The following HS3ST5 variants were observed in gnomAD, a reference collection of about 807,000 sequenced individuals.
The protein encoded by HS3ST5 is heparan sulfate-glucosamine 3-sulfotransferase 5, also known as heparan sulfate glucosamine 3-O-sulfotransferase 5.
Under a neutral mutation model 25.4 loss-of-function variants are expected in HS3ST5, and 10 were observed. The observed-to-expected ratio is 0.39, with a 90% CI of 0.24 to 0.67. The LOEUF (loss-of-function observed/expected upper bound fraction) is 0.67, where lower values mean the gene tolerates loss of function less well. HS3ST5 is among the 30% of genes least tolerant of loss of function. HS3ST5 has a pLI of 0.44. For synonymous variants in HS3ST5, 170 were observed against 162.4 expected (o/e 1.05, Z -0.36); for missense variants, 324 against 420.7 (o/e 0.77, Z 2.01).
chr6:114,307,956 C>G (rs1259894511), intron 1 of HS3ST5, among the ~76,000 whole-genome samples: 4 of 151,858 alleles, frequency 2.6e-5, no homozygotes, highest in Non-Finnish European at 4.4e-5. Context: ...AGTAAAATAC[C>G]TAATGAGTTG....
chr6:114,129,490 C>T (rs1254003100), intron 3 of HS3ST5, among the ~76,000 whole-genome samples: 3 of 152,166 alleles, frequency 2.0e-5, no homozygotes, highest in East Asian at 1.9e-4. Context: ...CTCCTGACCT[C>T]GTGATCCGCC....
At chr6:114,278,709 G>A (rs1005634508) in intron 1 of HS3ST5, among the ~76,000 whole-genome samples, 5 of 152,030 alleles carry the variant, frequency 3.3e-5, no homozygotes, top group African/African-American at 1.2e-4. Flanking sequence ...AAATTAAACA[G>A]ACAGGGAGTG....
At chr6:114,133,961 T>C (rs1777470597) in intron 3 of HS3ST5, among the ~76,000 whole-genome samples, 4 of 151,590 alleles carry the variant, frequency 2.6e-5, no homozygotes, top group African/African-American at 7.3e-5. Flanking sequence ...ACAGAGTGTA[T>C]GTGGGAGCAT....
intron 1 of HS3ST5, among the ~76,000 whole-genome samples, chr6:114,277,461 C>T (rs1773912545): frequency 6.7e-6 from 1 of 149,754 alleles, no homozygotes; most frequent in Non-Finnish European, 1.5e-5. Flanking sequence ...ACTTTTGCAC[C>T]AACCTAATAC....
At chr6:114,276,433 T>C (rs961334582) in intron 1 of HS3ST5, among the ~76,000 whole-genome samples, 3 of 151,938 alleles carry the variant, frequency 2.0e-5, no homozygotes, top group African/African-American at 7.2e-5. Flanking sequence ...CGTAAGTGAA[T>C]AAGTATTCAG....
At chr6:114,168,770 TAGCAGAACC>T (rs1307920758) in intron 2 of HS3ST5, among the ~76,000 whole-genome samples, 1 of 152,194 alleles carries the variant, frequency 6.6e-6, no homozygotes, top group Non-Finnish European at 1.5e-5. Flanking sequence ...AACATTTGTA[TAGCAGAACC>T]TTGTTTCTGA....
At chr6:114,083,615 T>C (rs1774591862) in intron 3 of HS3ST5, among the ~76,000 whole-genome samples, 1 of 152,238 alleles carries the variant, frequency 6.6e-6, no homozygotes, top group African/African-American at 2.4e-5. Context: ...TTTTCCACTT[T>C]TAAGATCTTC....
intron 3 of HS3ST5, among the ~76,000 whole-genome samples, chr6:114,140,533 A>G (rs2114932028): frequency 6.6e-6 from 1 of 152,354 alleles, no homozygotes; most frequent in East Asian, 1.9e-4. Context: ...CTTGCTTGTT[A>G]TAGTGTTCTA....
At chr6:114,245,508 G>A (rs1772336245) in intron 1 of HS3ST5, among the ~76,000 whole-genome samples, 1 of 152,098 alleles carries the variant, frequency 6.6e-6, no homozygotes, top group South Asian at 2.1e-4. Flanking sequence ...CACCAGAGGT[G>A]AGAAGAATAG....
At chr6:114,295,859 C>A (rs536836634) in intron 1 of HS3ST5, among the ~76,000 whole-genome samples, 1 of 152,218 alleles carries the variant, frequency 6.6e-6, no homozygotes, top group Admixed American at 6.5e-5. Flanking sequence ...AGGGCTGCAC[C>A]AAGTGGCAAA....
chr6:114,159,774 C>A (rs368293903), intron 3 of HS3ST5, among the ~76,000 whole-genome samples: 1 of 152,182 alleles, frequency 6.6e-6, no homozygotes, highest in Admixed American at 6.6e-5. Context: ...AAAAAATTTT[C>A]TGGCACAATG....
intron 4 of HS3ST5, among the ~76,000 whole-genome samples, chr6:114,058,444 G>A (rs1772904143): frequency 6.6e-6 from 1 of 152,114 alleles, no homozygotes; most frequent in Non-Finnish European, 1.5e-5. Flanking sequence ...TGACTACGGC[G>A]TGTACTTCTG....
At chr6:114,084,176 A>G in intron 3 of HS3ST5, 1 of 917,554 alleles carries the variant, frequency 1.1e-6, no homozygotes, top group Non-Finnish European at 1.8e-6. Context: ...GCTTAAGACC[A>G]TTAAGTGGTT....
At chr6:114,096,458 A>G (rs1775431179) in intron 3 of HS3ST5, among the ~76,000 whole-genome samples, 2 of 152,174 alleles carry the variant, frequency 1.3e-5, no homozygotes, top group Admixed American at 1.3e-4. Flanking sequence ...TGTTTTTCAC[A>G]GTGAATCTCC....
intron 2 of HS3ST5, among the ~76,000 whole-genome samples, chr6:114,227,925 C>T (rs1428318485): frequency 6.6e-6 from 1 of 152,082 alleles, no homozygotes; most frequent in Non-Finnish European, 1.5e-5. Flanking sequence ...ATTAGCCCAT[C>T]ATACTGAACT....
chr6:114,315,932 T>C (rs1283082420), intron 1 of HS3ST5, among the ~76,000 whole-genome samples: 1 of 152,176 alleles, frequency 6.6e-6, no homozygotes. Context: ...ATTTGGGAAG[T>C]GTATCTCTGA....
At chr6:114,288,131 A>T (rs1774417128) in intron 1 of HS3ST5, among the ~76,000 whole-genome samples, 1 of 152,122 alleles carries the variant, frequency 6.6e-6, no homozygotes, top group South Asian at 2.1e-4. Flanking sequence ...ATGCATAATT[A>T]ATCCATTAGG....
chr6:114,300,696 C>T (rs766746497), intron 1 of HS3ST5, among the ~76,000 whole-genome samples: 1 of 152,066 alleles, frequency 6.6e-6, no homozygotes, highest in South Asian at 2.1e-4. Context: ...CACACACAAA[C>T]GTGTACATGA....
intron 1 of HS3ST5, among the ~76,000 whole-genome samples, chr6:114,290,802 A>G (rs951740654): frequency 6.6e-6 from 1 of 152,000 alleles, no homozygotes; most frequent in Non-Finnish European, 1.5e-5. Flanking sequence ...AAAAATAAAA[A>G]GGAGATGGTT....
Sources: gnomAD v4.1 joint callset for allele counts (sites outside exome capture counted in the v4.1 genomes callset) on GRCh38, gnomAD v4.1.1 for gene constraint, MANE v1.5 for transcripts, NCBI Gene and HGNC (gene_info 2026-07-23, HGNC 2026-07-21) for gene names.